COG2: variants seen among roughly 807,000 people sequenced by gnomAD.
COG2 encodes component of oligomeric golgi complex 2.
In COG2, 52 loss-of-function variants were observed where a neutral mutation model predicts 90.6. The ratio of observed to expected loss-of-function variants is 0.57; its 90% CI spans 0.46 to 0.72. COG2 has a LOEUF of 0.72. COG2 is among the 30% of genes least tolerant of loss of function. The pLI is 0.00. For missense variants in COG2, 829 were observed against 891.2 expected (o/e 0.93, Z 0.89); for synonymous variants, 337 against 320.4 (o/e 1.05, Z -0.55).
At chr1:230,687,314 G>A (rs927944807) in intron 13 of COG2, among the ~76,000 whole-genome samples, 182 bp downstream of exon 13, 1 of 152,188 alleles carries the variant, frequency 6.6e-6, no homozygotes, top group South Asian at 2.1e-4. Context: ...TCCCCTGACA[G>A]GTCATGTCCA....
chr1:230,680,193 G>A (rs774368410), intron 10 of COG2: 1 of 152,120 alleles, frequency 6.6e-6, no homozygotes, highest in African/African-American at 2.4e-5. Context: ...TTTGTGAGCA[G>A]GATTTAAAAT....
intron 5 of COG2, 124 bp downstream of exon 5, chr1:230,664,711 G>A (rs1307202408): frequency 1.9e-6 from 1 of 524,498 alleles, no homozygotes; most frequent in East Asian, 3.2e-5. Context: ...GTTTTTAAAT[G>A]TAGCTCAAGC....
chr1:230,646,165 G>A (rs1269237147), intron 1 of COG2, among the ~76,000 whole-genome samples: 3 of 151,970 alleles, frequency 2.0e-5, no homozygotes, highest in South Asian at 4.2e-4. Flanking sequence ...AAAGCCCATC[G>A]CTCTCTTCCA....
chr1:230,685,030 AGCCTAAAATT>A, intron 11 of COG2, 45 bp from the exon 12 acceptor site: 5 of 1,580,994 alleles, frequency 3.2e-6, no homozygotes, highest in Non-Finnish European at 4.3e-6. Flanking sequence ...ATTAGACTAT[AGCCTAAAATT>A]GCCTGAAATT....
chr1:230,688,558 A>G lies in COG2; in HGVS notation c.1790A>G (p.Asn597Ser), dbSNP rs780433732. Reference protein sequence around the residue: ...LEVPRLYRRTNKEVPTTASSY... With the variant: ...LEVPRLYRRTSKEVPTTASSY... ...GTTCCCAGGCTTTACCGAAGAACCA[A>G]TAAGGTCAGCGCCATTTATGGGAGA... is the stretch of plus-strand genomic sequence containing the variant. Residue 597 changes from asparagine to serine, a missense_variant, in exon 15 of 18, where the codon AAT becomes AGT. By Grantham distance (46) the Asn-to-Ser change is conservative. Transcript: ENST00000366669. 4 of 1,613,956 alleles carry G rather than the reference A, an allele frequency of 2.5e-6. No homozygotes were observed. The Admixed American group carries it at 5.0e-5, about 20-fold the overall frequency.
intron 8 of COG2, among the ~76,000 whole-genome samples, chr1:230,674,305 G>T (rs926076226): frequency 3.9e-5 from 6 of 152,254 alleles, no homozygotes; most frequent in Admixed American, 3.3e-4. Context: ...TAAATGATTT[G>T]CCCGCCCTCC....
rs1441181618 is a variant in COG2 at position 230,681,607 on chromosome 1, A to AT, written c.1167-1964dup. On this transcript the variant is annotated intron_variant, in intron 10 of 17. Transcript: ENST00000366669. ...GTCTAGAGACCTTCCCCAGGCCTATATTTAAGAATTTAGAAATGTTTGTAT... is the reference window on the plus strand; with the variant it reads ...GTCTAGAGACCTTCCCCAGGCCTATATTTTAAGAATTTAGAAATGTTTGTAT... The AT allele has an allele frequency of 2.4e-4, 36 of 152,348 alleles. 1 individual carries two copies. The East Asian group carries it at 6.6e-3, about 28-fold the overall frequency. The allele number at this position is 152,348 out of a possible 1,614,324, so 9.4% of individuals were successfully genotyped here. A position where few individuals can be genotyped will look rare whatever the true frequency, so the allele number is the denominator to read the frequency against.
rs762199150 is a variant in COG2, at chr1:230,642,672, C to A, written c.66C>A (p.Phe22Leu). The change falls in exon 1 of 18, where the codon TTC (phenylalanine) becomes TTA (leucine). Residue 22 changes from phenylalanine (F) to leucine (L), a missense_variant. Physicochemically the swap from Phe to Leu is conservative, Grantham distance 22 (BLOSUM62 0). Coordinates refer to ENST00000366669, the MANE Select transcript of COG2 (RefSeq NM_007357.3). ...CGCTCTGCTTCGACAAGGACGAGTT[C>A]ATGAAGGTGCGCGCGGCGTCCGCTC... ...PDTLCFDKDE[F>L]MKEDFDVDHF... is the part of the protein sequence containing the mutation. 2.5e-6 allele frequency: 4 copies of A among 1,612,542 alleles called. No homozygotes were observed. In the East Asian group the frequency reaches 8.9e-5, roughly 36 times the overall value.
intron 3 of COG2, among the ~76,000 whole-genome samples, chr1:230,661,996 C>T (rs909358183): frequency 1.3e-5 from 2 of 151,932 alleles, no homozygotes; most frequent in Admixed American, 6.6e-5. Flanking sequence ...GGGTGTTTTC[C>T]GAGCCTCAGC....
chr1:230,686,961 A>G lies in COG2; in HGVS notation c.1407A>G (p.Glu469=), dbSNP rs2102772897. Residue 469 remains glutamate (E), a synonymous_variant, in exon 13 of 18, where the codon GAA becomes GAG. Transcript: ENST00000366669. The part of the protein sequence containing the change: ...NELSLRPISN[E]SPKEIKKPLV... ...TTTCACTCAGGCCCATTTCTAATGA[A>G]AGTCCCAAGGAGATCAAGAAACCTT... 1 of 1,558,654 alleles carries G rather than the reference A, an allele frequency of 6.4e-7. No individual in the cohort carries two copies. The highest frequency in any genetic ancestry group is 1.7e-4 in the Middle Eastern group (1 of 5,864).
At chr1:230,688,641 G>T in intron 15 of COG2, 79 bp downstream of exon 15, 1 of 1,377,252 alleles carries the variant, frequency 7.3e-7, no homozygotes, top group South Asian at 1.2e-5. Flanking sequence ...AAGGAAGGAA[G>T]CGGCGGATTC....
At chr1:230,665,173 T>G (rs143039623) in intron 5 of COG2, among the ~76,000 whole-genome samples, 10 of 152,256 alleles carry the variant, frequency 6.6e-5, no homozygotes, top group Admixed American at 6.5e-4. Flanking sequence ...TTATGAACAT[T>G]AATGGGAAAC....
intron 1 of COG2, chr1:230,643,085 CG>C: frequency 5.6e-6 from 1 of 177,336 alleles, no homozygotes. Context: ...CCTAGGGACT[CG>C]GGTCGGAAAG....
At position 230,642,502 on chromosome 1, in the gene COG2, C is replaced by G. The variant is rs911783570; in HGVS notation, c.-105C>G. 8.8e-7 allele frequency: 1 copy of G among 1,134,110 alleles called. No individual in the cohort carries two copies. Among genetic ancestry groups the G allele is most frequent in the Non-Finnish European group, 1.3e-6 (1 of 777,672 alleles). 70.3% of individuals were successfully genotyped at this position (1,134,110 alleles called of 1,614,324 possible). A position where few individuals can be genotyped will look rare whatever the true frequency, so the allele number is the denominator to read the frequency against. ...TGCCATGTTGGCGGAAGCGGACCCCCCTGTGCCGTGGAAACTGGCGGTGGC... is the reference window on the plus strand; with the variant it reads ...TGCCATGTTGGCGGAAGCGGACCCCGCTGTGCCGTGGAAACTGGCGGTGGC... On this transcript the variant is annotated 5_prime_UTR_variant, in exon 1 of 18. Coordinates refer to ENST00000366669, the MANE Select transcript of COG2 (RefSeq NM_007357.3).
intron 9 of COG2, chr1:230,678,198 T>TTGG (rs2102765238): frequency 1.0e-6 from 1 of 985,400 alleles, no homozygotes; most frequent in Non-Finnish European, 1.2e-6. Flanking sequence ...AGCCGCAGTT[T>TTGG]TGGTCAACTG....
intron 1 of COG2, among the ~76,000 whole-genome samples, chr1:230,649,930 A>G (rs756828378): frequency 2.0e-5 from 3 of 152,132 alleles, no homozygotes; most frequent in Non-Finnish European, 4.4e-5. Flanking sequence ...ATGTCCACAT[A>G]TACCCATCAT....
In COG2 at chr1:230,663,562, A is replaced by G. The variant is rs185536173; in HGVS notation, c.381+341A>G. 8.9e-4 allele frequency among the ~76,000 whole-genome samples: 135 copies of G among 152,304 alleles called. 2 individuals are homozygous for G. Among genetic ancestry groups the G allele is most frequent in the African/African-American group, 3.1e-3 (129 of 41,570 alleles). ...TTCAAGAATGTAGTGCACTGCTAGA[A>G]AAGATTGTCCACTTCATGAGAAGGG... is the stretch of plus-strand genomic sequence containing the variant. On this transcript the variant is annotated intron_variant, in intron 4 of 17. Coordinates refer to ENST00000366669, the MANE Select transcript of COG2 (RefSeq NM_007357.3).
chr1:230,660,693 A>T, intron 2 of COG2, 65 bp from the exon 3 acceptor site: 1 of 1,122,166 alleles, frequency 8.9e-7, no homozygotes, highest in Non-Finnish European at 1.3e-6. Flanking sequence ...ATTGATCATT[A>T]AATGGATACT....
Position 230,693,477 on chromosome 1 carries a change from C to T in COG2, c.*84C>T. On this transcript the variant is annotated 3_prime_UTR_variant, in exon 18 of 18. Coordinates refer to ENST00000366669, the MANE Select transcript of COG2 (RefSeq NM_007357.3). ...CTGAAGGGGAGAAAGTGACTCTGTT[C>T]TCTTAGCAACCGTCTGTAGCAAAGA... 1.2e-6 allele frequency: 1 copy of T among 802,832 alleles called. No individual in the cohort carries two copies. Among genetic ancestry groups the T allele is most frequent in the Non-Finnish European group, 2.1e-6 (1 of 487,072 alleles). The allele number at this position is 802,832 out of a possible 1,614,324, so 49.7% of individuals were successfully genotyped here. A position where few individuals can be genotyped will look rare whatever the true frequency, so the allele number is the denominator to read the frequency against.
Sources: allele counts gnomAD v4.1 joint callset (sites outside exome capture counted in the v4.1 genomes callset), GRCh38; gene constraint gnomAD v4.1.1; transcripts MANE v1.5; gene names NCBI Gene and HGNC (gene_info 2026-07-23, HGNC 2026-07-21).